The following SLC1A1 variants were observed in gnomAD, a reference collection of about 807,000 sequenced individuals.
SLC1A1 encodes excitatory amino acid transporter 3.
Under a neutral mutation model 53.3 loss-of-function variants are expected in SLC1A1, and 43 were observed. The observed-to-expected ratio is 0.81, with a 90% CI of 0.63 to 1.04. The LOEUF (loss-of-function observed/expected upper bound fraction) is 1.04, where lower values mean the gene tolerates loss of function less well. Among genes scored for constraint, SLC1A1 ranks in the 50% least tolerant of loss-of-function variants. The pLI is 0.00. For missense variants in SLC1A1, 748 were observed against 664.9 expected (o/e 1.12, Z -1.37); for synonymous variants, 307 against 243.2 (o/e 1.26, Z -2.44).
rs577347726 is a variant in SLC1A1 at position 4,567,579 on chromosome 9, C to A, written c.484-90C>A. ...AGATCCCTTCAGTGGCACTGTTTGG[C>A]CAAAATAACATGTTCCTGTGATTTA... On this transcript the variant is annotated intron_variant, in intron 5 of 11. Coordinates refer to ENST00000262352, the MANE Select transcript of SLC1A1 (RefSeq NM_004170.6). 9.6e-6 allele frequency: 8 copies of A among 829,870 alleles called. No individual in the cohort carries two copies. The East Asian group carries it at 2.1e-4, about 22-fold the overall frequency. The allele number at this position is 829,870 out of a possible 1,614,324, so 51.4% of individuals were successfully genotyped here. A position where few individuals can be genotyped will look rare whatever the true frequency, so the allele number is the denominator to read the frequency against.
intron 2 of SLC1A1, among the ~76,000 whole-genome samples, chr9:4,545,967 G>A (rs1817458322): frequency 6.6e-6 from 1 of 152,160 alleles, no homozygotes; most frequent in African/African-American, 2.4e-5. Context: ...CATGCAATTA[G>A]AAGTCGTGAC....
At chr9:4,576,815 A>C (rs763550394) in intron 10 of SLC1A1, 52 bp downstream of exon 10, 9 of 1,536,194 alleles carry the variant, frequency 5.9e-6, no homozygotes, top group Middle Eastern at 2.2e-4. Context: ...GATTACCGCC[A>C]GTAAAAATTG....
intron 1 of SLC1A1, among the ~76,000 whole-genome samples, chr9:4,529,570 G>C (rs2130849099): frequency 6.6e-6 from 1 of 152,188 alleles, no homozygotes; most frequent in South Asian, 2.1e-4. Context: ...GTATTTATTA[G>C]GATAATATAC....
chr9:4,502,448 G>T (rs1019476344), intron 1 of SLC1A1, among the ~76,000 whole-genome samples: 19 of 137,940 alleles, frequency 1.4e-4, no homozygotes, highest in African/African-American at 4.9e-4. Flanking sequence ...GAGAGAGAAA[G>T]TGAGAGTGAC....
Position 4,556,786 on chromosome 9 carries a change from G to A in SLC1A1, c.233-4663G>A, listed in dbSNP as rs1251183845. ...GTTTTTATTTGGTGGTGGTGAGTTG[G>A]GGGAGAAAATCTTACTCTTTTTATG... On this transcript the variant is annotated intron_variant, in intron 2 of 11. Transcript: ENST00000262352. This position sits in a 1 kb window ranked among gnomAD's most constrained non-coding sequence, Gnocchi z 4.1. Among the ~76,000 whole-genome samples, 1 of 152,082 alleles carries A rather than the reference G, an allele frequency of 6.6e-6. No homozygotes were observed. Among genetic ancestry groups the A allele is most frequent in the African/African-American group, 2.4e-5 (1 of 41,388 alleles).
intron 10 of SLC1A1, among the ~76,000 whole-genome samples, chr9:4,580,844 T>C (rs1318770605): frequency 1.3e-5 from 2 of 152,150 alleles, no homozygotes; most frequent in Non-Finnish European, 2.9e-5. Flanking sequence ...TAGCAGCAAC[T>C]GCTGTTGTTG....
intron 10 of SLC1A1, among the ~76,000 whole-genome samples, chr9:4,582,192 G>C (rs1327165803): frequency 2.0e-5 from 3 of 152,186 alleles, no homozygotes; most frequent in Non-Finnish European, 4.4e-5. Flanking sequence ...TGCTGATAAA[G>C]AGACTGCACA....
chr9:4,536,352 A>G lies in SLC1A1; in HGVS notation c.92-8215A>G, dbSNP rs541537404. Among the ~76,000 whole-genome samples, 5 of 116,300 alleles carry G rather than the reference A, an allele frequency of 4.3e-5. No homozygotes were observed. The East Asian group carries it at 6.1e-4, about 14-fold the overall frequency. The allele number at this position is 116,300 out of a possible 152,430, so 76.3% of individuals were successfully genotyped here. On this transcript the variant is annotated intron_variant, in intron 1 of 11. Transcript: ENST00000262352. Reference sequence around the variant, plus strand: ...TGAACTCAAACAAATCTACAAGAAAAAAAAACAGCCCCATCAAAAAGTGGG... The same window carrying G: ...TGAACTCAAACAAATCTACAAGAAAGAAAAACAGCCCCATCAAAAAGTGGG...
At position 4,572,344 on chromosome 9, in the gene SLC1A1, T is replaced by C; in HGVS notation, c.723T>C (p.Asn241=). The change falls in exon 7 of 12, where the codon AAT becomes AAC. Residue 241 remains asparagine (N), a synonymous_variant. Transcript: ENST00000262352. ...EKGQILVDFF[N]ALSDATMKIV... ...GACAAATTCTGGTGGATTTCTTCAA[T>C]GCTTTGAGTGATGCAACCATGAAAA... is the stretch of plus-strand genomic sequence containing the variant. 6.2e-7 allele frequency: 1 copy of C among 1,614,186 alleles called. No individual in the cohort carries two copies. The highest frequency in any genetic ancestry group is 8.5e-7 in the Non-Finnish European group (1 of 1,180,012).
intron 3 of SLC1A1, 22 bp from the exon 4 acceptor site, chr9:4,564,322 T>C (rs1251406448): frequency 6.5e-7 from 1 of 1,545,560 alleles, no homozygotes; most frequent in South Asian, 1.1e-5. Flanking sequence ...TAATGCTCTG[T>C]GGACGCTGTT....
chr9:4,565,951 C>T (rs2129715946), intron 4 of SLC1A1, 96 bp from the exon 5 acceptor site: 1 of 931,206 alleles, frequency 1.1e-6, no homozygotes, highest in East Asian at 2.4e-5. Context: ...AACCAGAGTA[C>T]TAGTTTTATG....
At chr9:4,525,706 A>T (rs779792150) in intron 1 of SLC1A1, among the ~76,000 whole-genome samples, 15 of 152,234 alleles carry the variant, frequency 9.9e-5, no homozygotes, top group South Asian at 6.2e-4. Context: ...AAATTCAGTG[A>T]ATGAATTAAA....
intron 1 of SLC1A1, among the ~76,000 whole-genome samples, chr9:4,531,174 A>G (rs1456390569): frequency 6.6e-6 from 1 of 152,220 alleles, no homozygotes; most frequent in Non-Finnish European, 1.5e-5. Context: ...CTGAGATACC[A>G]GGTTCATCTC....
intron 1 of SLC1A1, among the ~76,000 whole-genome samples, chr9:4,533,418 T>C (rs1251682373): frequency 6.6e-6 from 1 of 151,992 alleles, no homozygotes; most frequent in Non-Finnish European, 1.5e-5. Flanking sequence ...GCAATCCTAG[T>C]CTCGGATAAA....
At position 4,490,567 on chromosome 9, in the gene SLC1A1, C is replaced by A; in HGVS notation, c.-113C>A. The A allele has an allele frequency of 1.3e-6, 1 of 795,752 alleles. No individual in the cohort carries two copies. Among genetic ancestry groups the A allele is most frequent in the South Asian group, 1.6e-5 (1 of 62,968 alleles). The allele number at this position is 795,752 out of a possible 1,614,324, so 49.3% of individuals were successfully genotyped here. On this transcript the variant is annotated 5_prime_UTR_variant, in exon 1 of 12. Transcript: ENST00000262352. ...GGCGGCGACTGCAGCGGCCGGCTCT[C>A]ACCTCTCCCCTGTGCACCCGCATCT...
chr9:4,512,197 A>T (rs180948775), intron 1 of SLC1A1, among the ~76,000 whole-genome samples: 1 of 152,206 alleles, frequency 6.6e-6, no homozygotes, highest in South Asian at 2.1e-4. Context: ...TTTTGTAGAT[A>T]TACCAGACAA....
At chr9:4,526,266 A>T (rs1256193612) in intron 1 of SLC1A1, among the ~76,000 whole-genome samples, 1 of 152,244 alleles carries the variant, frequency 6.6e-6, no homozygotes, top group Non-Finnish European at 1.5e-5. Context: ...ATTTAGACAT[A>T]TAGAAAACAA....
rs545344429 is a variant in SLC1A1 at position 4,524,054 on chromosome 9, A to G, written c.92-20513A>G. On this transcript the variant is annotated intron_variant, in intron 1 of 11. Coordinates refer to ENST00000262352, the MANE Select transcript of SLC1A1 (RefSeq NM_004170.6). ...GGCCCTTTGTTTATACATTACTCTC[A>G]TCTATATTTCCCCATTTGGCCAATG... is the stretch of plus-strand genomic sequence containing the variant. 3.3e-5 allele frequency among the ~76,000 whole-genome samples: 5 copies of G among 152,292 alleles called. No homozygotes were observed. The East Asian group carries it at 9.7e-4, about 29-fold the overall frequency.
chr9:4,526,947 G>C (rs943391417), intron 1 of SLC1A1, among the ~76,000 whole-genome samples: 42 of 152,192 alleles, frequency 2.8e-4, no homozygotes, highest in African/African-American at 1.0e-3. Flanking sequence ...AGAGACTTTT[G>C]CAAATGTAAT....
Sources: allele counts gnomAD v4.1 joint callset (sites outside exome capture counted in the v4.1 genomes callset), GRCh38; gene constraint gnomAD v4.1.1; non-coding constraint Gnocchi (gnomAD v3.1); transcripts MANE v1.5; gene names NCBI Gene and HGNC (gene_info 2026-07-23, HGNC 2026-07-21).